PMP2: variants seen among roughly 807,000 people sequenced by gnomAD.
The protein encoded by PMP2 is peripheral myelin protein 2, also known as myelin P2 protein.
Under a neutral mutation model 15.9 loss-of-function variants are expected in PMP2, and 11 were observed. That is an observed-to-expected ratio of 0.69 (90% CI 0.44 to 1.14). PMP2 has a LOEUF of 1.14. Ranked by LOEUF, PMP2 falls within the 50% of genes most tolerant of loss-of-function variation. The pLI is 0.00. For missense variants in PMP2, 151 were observed against 154.0 expected (o/e 0.98, Z 0.10); for synonymous variants, 55 against 54.1 (o/e 1.02, Z -0.07).
chr8:81,441,756 C>G lies in PMP2; in HGVS notation c.*1642G>C, dbSNP rs1051615041. 6.6e-6 allele frequency: 1 copy of G among 151,826 alleles called. No individual in the cohort carries two copies. Among genetic ancestry groups the G allele is most frequent in the Non-Finnish European group, 1.5e-5 (1 of 67,926 alleles). The allele number at this position is 151,826 out of a possible 1,614,324, so 9.4% of individuals were successfully genotyped here. Reference sequence around the variant, plus strand: ...TTGGCTCAAGTTTGGCCAGTGGGAGCCCCTTCAAGCTGGCTCTATGTTTTG... The same window carrying G: ...TTGGCTCAAGTTTGGCCAGTGGGAGGCCCTTCAAGCTGGCTCTATGTTTTG... On this transcript the variant is annotated 3_prime_UTR_variant, in exon 4 of 4. Coordinates refer to ENST00000256103, the MANE Select transcript of PMP2 (RefSeq NM_002677.5).
Position 81,441,019 on chromosome 8 carries a change from A to G in PMP2, c.*2379T>C, listed in dbSNP as rs1807320205. The G allele has an allele frequency of 6.6e-6, 1 of 152,170 alleles. No homozygotes were observed. The highest frequency in any genetic ancestry group is 2.1e-4 in the South Asian group (1 of 4,826). The allele number at this position is 152,170 out of a possible 1,614,324, so 9.4% of individuals were successfully genotyped here. ...AGAATCCAGTCTAGTATTACTTACT[A>G]TGTTTAGTTGTCAGGTGTTTTTACT... is the stretch of plus-strand genomic sequence containing the variant. On this transcript the variant is annotated 3_prime_UTR_variant, in exon 4 of 4. Transcript: ENST00000256103.
Position 81,443,372 on chromosome 8 carries a change from A to T in PMP2, c.*26T>A. On this transcript the variant is annotated 3_prime_UTR_variant, in exon 4 of 4. Coordinates refer to ENST00000256103, the MANE Select transcript of PMP2 (RefSeq NM_002677.5). ...TGATTTCCATCATTAAATGATAAAA[A>T]GCCACTTCAATGAAGAAATGATTTT... The T allele has an allele frequency of 6.6e-7, 1 of 1,506,588 alleles. No individual in the cohort carries two copies. The highest frequency in any genetic ancestry group is 9.1e-7 in the Non-Finnish European group (1 of 1,094,556). 93.3% of individuals were successfully genotyped at this position (1,506,588 alleles called of 1,614,324 possible). A position where few individuals can be genotyped will look rare whatever the true frequency, so the allele number is the denominator to read the frequency against.
chr8:81,444,750 A>T lies in PMP2; in HGVS notation c.246+67T>A, dbSNP rs778105511. On this transcript the variant is annotated intron_variant, in intron 2 of 3. Coordinates refer to ENST00000256103, the MANE Select transcript of PMP2 (RefSeq NM_002677.5). The stretch of plus-strand genomic sequence containing the variant: ...AGAATTGAGTCTACCCTTTTACACT[A>T]GCAGGAATATTCCTCTCTCTCAAGC... 4.8e-6 allele frequency: 7 copies of T among 1,463,666 alleles called. No individual in the cohort carries two copies. In the Admixed American group the frequency reaches 1.1e-4, roughly 23 times the overall value. The allele number at this position is 1,463,666 out of a possible 1,614,324, so 90.7% of individuals were successfully genotyped here.
intron 1 of PMP2, among the ~76,000 whole-genome samples, chr8:81,446,016 T>A (rs753095404): frequency 6.6e-6 from 1 of 152,112 alleles, no homozygotes; most frequent in Non-Finnish European, 1.5e-5. Flanking sequence ...ATAAAAAATA[T>A]ATGAAAGAAA....
intron 1 of PMP2, among the ~76,000 whole-genome samples, 168 bp from the exon 2 acceptor site, chr8:81,445,157 C>A (rs569949113): frequency 3.3e-5 from 5 of 152,158 alleles, no homozygotes; most frequent in African/African-American, 1.2e-4. Flanking sequence ...GAAATACATG[C>A]CCAGGACTCA....
chr8:81,443,260 C>T lies in PMP2; in HGVS notation c.*138G>A, dbSNP rs1219629630. On this transcript the variant is annotated 3_prime_UTR_variant, in exon 4 of 4. Coordinates refer to ENST00000256103, the MANE Select transcript of PMP2 (RefSeq NM_002677.5). ...TAACACTGACTTTTAGATTAATTCT[C>T]AGTTTAGGCCTTTGCATATCTGATA... The T allele has an allele frequency of 5.6e-6, 3 of 540,284 alleles. No individual in the cohort carries two copies. Among genetic ancestry groups the T allele is most frequent in the East Asian group, 3.0e-5 (1 of 33,888 alleles). 33.5% of individuals were successfully genotyped at this position (540,284 alleles called of 1,614,324 possible).
chr8:81,444,476 A>G (rs1312571348), intron 3 of PMP2, 24 bp downstream of exon 3: 1 of 1,379,376 alleles, frequency 7.2e-7, no homozygotes, highest in East Asian at 2.3e-5. Flanking sequence ...TTATTTCTCT[A>G]TTTAGAAGTA....
intron 3 of PMP2, 36 bp from the exon 4 acceptor site, chr8:81,443,484 T>C (rs140076606): frequency 0.018 from 24,456 of 1,365,134 alleles, 304 homozygotes; most frequent in Admixed American, 0.022. Context: ...GTATCTCAAG[T>C]TCAAACCAGA....
At chr8:81,443,934 A>G (rs950627037) in intron 3 of PMP2, among the ~76,000 whole-genome samples, 2 of 152,170 alleles carry the variant, frequency 1.3e-5, no homozygotes, top group Non-Finnish European at 2.9e-5. Context: ...CATTCAATGT[A>G]TGTGTTAATT....
rs755229769 is a variant in PMP2, at chr8:81,443,456, AAG to A, written c.349-10_349-9del. On this transcript the variant is annotated splice_polypyrimidine_tract_variant and intron_variant, in intron 3 of 3. Coordinates refer to ENST00000256103, the MANE Select transcript of PMP2 (RefSeq NM_002677.5). ...GCCCTTCATTTTACATTCCTTAAAA[AAG>A]AGAGAGGTTAATTGAGTATCTCAAG... is the stretch of plus-strand genomic sequence containing the variant. The A allele has an allele frequency of 5.0e-6, 8 of 1,588,968 alleles. No individual in the cohort carries two copies. The highest frequency in any genetic ancestry group is 1.3e-5 in the African/African-American group (1 of 74,126).
chr8:81,444,695 G>A, intron 2 of PMP2, 94 bp from the exon 3 acceptor site: 3 of 1,318,888 alleles, frequency 2.3e-6, no homozygotes, highest in Non-Finnish European at 3.2e-6. Flanking sequence ...AATAGATATA[G>A]ATGTCTCAGG....
At chr8:81,446,797 A>G (rs572174682) in intron 1 of PMP2, among the ~76,000 whole-genome samples, 69 of 152,272 alleles carry the variant, frequency 4.5e-4, no homozygotes, top group African/African-American at 1.5e-3. Context: ...GTATTTTAGG[A>G]AGTATTTTTG....
chr8:81,445,294 G>A (rs1807429793), intron 1 of PMP2, among the ~76,000 whole-genome samples: 2 of 151,286 alleles, frequency 1.3e-5, no homozygotes, highest in African/African-American at 2.4e-5. Flanking sequence ...GAGCAATCTC[G>A]GCTCACTGCA....
rs542119746 is a variant in PMP2 at position 81,445,350 on chromosome 8, G to A, written c.74-361C>T. On this transcript the variant is annotated intron_variant, in intron 1 of 3. Transcript: ENST00000256103. ...CTCCATTCTCCTGCCTCAGCCTCCCGAGTAGCTGGGACTACAGGGGCCGCC... is the reference window on the plus strand; with the variant it reads ...CTCCATTCTCCTGCCTCAGCCTCCCAAGTAGCTGGGACTACAGGGGCCGCC... 5.9e-5 allele frequency among the ~76,000 whole-genome samples: 9 copies of A among 151,924 alleles called. No individual in the cohort carries two copies. The South Asian group carries it at 6.3e-4, about 11-fold the overall frequency.
chr8:81,442,885 A>G lies in PMP2; in HGVS notation c.*513T>C, dbSNP rs1013187523. 1.3e-5 allele frequency: 2 copies of G among 152,122 alleles called. No individual in the cohort carries two copies. The highest frequency in any genetic ancestry group is 2.9e-5 in the Non-Finnish European group (2 of 67,972). 9.4% of individuals were successfully genotyped at this position (152,122 alleles called of 1,614,324 possible). Reference sequence around the variant, plus strand: ...ACTGTCTATAAATTTAACTGTCTATAAATTATCCATTAATTTTAAAATGTT... The same window carrying G: ...ACTGTCTATAAATTTAACTGTCTATGAATTATCCATTAATTTTAAAATGTT... On this transcript the variant is annotated 3_prime_UTR_variant, in exon 4 of 4. Coordinates refer to ENST00000256103, the MANE Select transcript of PMP2 (RefSeq NM_002677.5).
chr8:81,444,595 C>T lies in PMP2; in HGVS notation c.253G>A (p.Val85Ile), dbSNP rs201080587. 2.2e-5 allele frequency: 35 copies of T among 1,611,384 alleles called. No homozygotes were observed. The highest frequency in any genetic ancestry group is 1.4e-4 in the South Asian group (13 of 90,442). ...TADNRKTKSI[V>I]TLQRGSLNQV... Reference sequence around the variant, plus strand: ...TTCAGTGATCCTCTCTGCAGGGTTACGATGCTCTGCAAAGACAAGGTCATG... The same window carrying T: ...TTCAGTGATCCTCTCTGCAGGGTTATGATGCTCTGCAAAGACAAGGTCATG... The change falls in exon 3 of 4, where the codon GTA becomes ATA. Residue 85 changes from valine to isoleucine, a missense_variant. Val to Ile is a conservative substitution (Grantham distance 29). Transcript: ENST00000256103.
At chr8:81,446,399 A>G (rs1807450909) in intron 1 of PMP2, among the ~76,000 whole-genome samples, 1 of 152,180 alleles carries the variant, frequency 6.6e-6, no homozygotes, top group African/African-American at 2.4e-5. Flanking sequence ...ATTGATCCCC[A>G]TAAGTTCTCT....
At chr8:81,445,176 AG>A (rs1195927698) in intron 1 of PMP2, among the ~76,000 whole-genome samples, 187 bp from the exon 2 acceptor site, 2 of 151,414 alleles carry the variant, frequency 1.3e-5, no homozygotes, top group African/African-American at 4.8e-5. Context: ...CAAACATTTT[AG>A]GTTTTGTTGT....
intron 3 of PMP2, 73 bp downstream of exon 3, chr8:81,444,427 A>C: frequency 1.1e-6 from 1 of 923,422 alleles, no homozygotes; most frequent in Non-Finnish European, 1.6e-6. Context: ...AGAACAAAGA[A>C]TATTTTGAAA....
Sources: gnomAD v4.1 joint callset for allele counts (sites outside exome capture counted in the v4.1 genomes callset) on GRCh38, gnomAD v4.1.1 for gene constraint, MANE v1.5 for transcripts, NCBI Gene and HGNC (gene_info 2026-07-23, HGNC 2026-07-21) for gene names.